The following MYL4 variants were observed in gnomAD, a reference collection of about 807,000 sequenced individuals.
MYL4 encodes the protein myosin light chain 4, also known as atrial myosin light chain 1.
Under a neutral mutation model 21.6 loss-of-function variants are expected in MYL4, and 16 were observed. The ratio of observed to expected loss-of-function variants is 0.74; its 90% CI spans 0.50 to 1.12. The LOEUF (loss-of-function observed/expected upper bound fraction) is 1.12, where lower values mean the gene tolerates loss of function less well. Ranked by LOEUF, MYL4 falls within the 50% of genes most tolerant of loss-of-function variation. The pLI, the probability that MYL4 is intolerant of heterozygous loss-of-function variation, is 0.00. For missense variants in MYL4, 249 were observed against 252.9 expected (o/e 0.98, Z 0.11); for synonymous variants, 82 against 95.7 (o/e 0.86, Z 0.83).
intron 1 of MYL4, among the ~76,000 whole-genome samples, chr17:47,201,362 C>T (rs1196153726): frequency 6.6e-6 from 1 of 152,034 alleles, no homozygotes; most frequent in Non-Finnish European, 1.5e-5. Context: ...TTCTTATATA[C>T]AGAGGATTGG....
chr17:47,189,468 A>C, the MYL4 span: 1 of 493,656 alleles, frequency 2.0e-6, no homozygotes, highest in Non-Finnish European at 3.7e-6. Flanking sequence ...GTCTGACCCA[A>C]AGCGTAGGTT....
upstream of MYL4, among the ~76,000 whole-genome samples, chr17:47,199,765 G>T (rs1288531266): frequency 7.7e-6 from 1 of 130,140 alleles, no homozygotes; most frequent in African/African-American, 3.0e-5. Context: ...TTTGAGACAG[G>T]GTCTCTGTCA....
chr17:47,225,881 TTTAAC>T (rs2064883915), downstream of MYL4, among the ~76,000 whole-genome samples: 1 of 150,562 alleles, frequency 6.6e-6, no homozygotes, highest in African/African-American at 2.5e-5. Context: ...TTTTTGGTTT[TTTAAC>T]ATTTATTTTA....
At chr17:47,207,347 C>A (rs2064733936), upstream of MYL4, among the ~76,000 whole-genome samples, 1 of 152,178 alleles carries the variant, frequency 6.6e-6, no homozygotes, top group Admixed American at 6.5e-5. Context: ...CCCAGCTCTG[C>A]CTATAAGTAG....
At chr17:47,221,580 C>A in intron 3 of MYL4, 102 bp from the exon 4 acceptor site, 1 of 1,369,040 alleles carries the variant, frequency 7.3e-7, no homozygotes, top group Non-Finnish European at 1.0e-6. Flanking sequence ...CAGCCCAAGC[C>A]CTGGGTGCTG....
chr17:47,205,627 T>G (rs2064724556), upstream of MYL4, among the ~76,000 whole-genome samples: 2 of 152,160 alleles, frequency 1.3e-5, no homozygotes, highest in Non-Finnish European at 2.9e-5. Context: ...GCCAGGCACT[T>G]TTTTCACTGG....
At chr17:47,201,393 A>G (rs1315049905) in intron 1 of MYL4, among the ~76,000 whole-genome samples, 1 of 150,540 alleles carries the variant, frequency 6.6e-6, no homozygotes, top group African/African-American at 2.4e-5. Context: ...CTCCTGATTT[A>G]TGGCCTTCTT....
At chr17:47,219,162 T>C (rs1481520706) in intron 2 of MYL4, among the ~76,000 whole-genome samples, 1 of 152,246 alleles carries the variant, frequency 6.6e-6, no homozygotes, top group Non-Finnish European at 1.5e-5. Context: ...TTGCCTTATC[T>C]GGCCTGGGGG....
chr17:47,197,446 T>C (rs1165710717), upstream of MYL4, among the ~76,000 whole-genome samples: 1 of 152,170 alleles, frequency 6.6e-6, no homozygotes, highest in African/African-American at 2.4e-5. Flanking sequence ...GTATTGAGAC[T>C]ATTCAGAAAA....
downstream of MYL4, among the ~76,000 whole-genome samples, chr17:47,225,868 T>A (rs991654641): frequency 6.8e-6 from 1 of 147,900 alleles, no homozygotes; most frequent in African/African-American, 2.5e-5. Flanking sequence ...TTTTTTTTTT[T>A]TTTTTTTGGT....
At chr17:47,205,680 C>T (rs1439295364), upstream of MYL4, among the ~76,000 whole-genome samples, 1 of 152,220 alleles carries the variant, frequency 6.6e-6, no homozygotes, top group Non-Finnish European at 1.5e-5. Context: ...GGAGCGTCTC[C>T]TCCCCTGCTG....
intron 1 of MYL4, among the ~76,000 whole-genome samples, chr17:47,201,708 G>A (rs1446404932): frequency 2.0e-5 from 3 of 151,826 alleles, no homozygotes; most frequent in African/African-American, 4.8e-5. Flanking sequence ...CGCCCGCCTC[G>A]GCCTCCCAAA....
At position 47,223,001 on chromosome 17, in the gene MYL4, A is replaced by C. The variant is rs765077930; in HGVS notation, c.566-13A>C. 2 of 1,614,094 alleles carry C rather than the reference A, an allele frequency of 1.2e-6. No homozygotes were observed. Among genetic ancestry groups the C allele is most frequent in the Non-Finnish European group, 1.7e-6 (2 of 1,179,998 alleles). On this transcript the variant is annotated splice_polypyrimidine_tract_variant and intron_variant, in intron 5 of 6. Coordinates refer to ENST00000393450, the MANE Select transcript of MYL4 (RefSeq NM_002476.2). The stretch of plus-strand genomic sequence containing the variant: ...CTGAGCCACATGGTGGCTGATTTTC[A>C]CTTTTTTCCTAGCCTTTGTCAAGCA...
chr17:47,201,134 A>T (rs956422788), intron 1 of MYL4, among the ~76,000 whole-genome samples: 3 of 152,218 alleles, frequency 2.0e-5, no homozygotes, highest in African/African-American at 7.2e-5. Flanking sequence ...GAGCCACTGC[A>T]CTCCAGCCTG....
upstream of MYL4, among the ~76,000 whole-genome samples, chr17:47,206,061 T>C (rs562394147): frequency 6.6e-6 from 1 of 152,182 alleles, no homozygotes; most frequent in Non-Finnish European, 1.5e-5. Flanking sequence ...TTGCAGTGCC[T>C]TACTTAACAT....
the MYL4 span, among the ~76,000 whole-genome samples, chr17:47,191,693 A>C: frequency 6.6e-6 from 1 of 151,942 alleles, no homozygotes; most frequent in South Asian, 2.1e-4. Context: ...CTGGTCTCAA[A>C]CTCCTGATCT....
At chr17:47,203,111 C>T (rs919235199) in intron 1 of MYL4, among the ~76,000 whole-genome samples, 1 of 152,104 alleles carries the variant, frequency 6.6e-6, no homozygotes, top group African/African-American at 2.4e-5. Context: ...CTGCCATGCC[C>T]AGCTGATTTT....
intron 1 of MYL4, 98 bp from the exon 2 acceptor site, chr17:47,213,701 A>G: frequency 8.2e-7 from 1 of 1,220,452 alleles, no homozygotes; most frequent in Non-Finnish European, 1.2e-6. Context: ...AGGTGGCCAT[A>G]CTGCATTGGA....
Position 47,214,140 on chromosome 17 carries a change from G to A in MYL4, c.163+314G>A, listed in dbSNP as rs868064035. On this transcript the variant is annotated intron_variant, in intron 2 of 6. Coordinates refer to ENST00000393450, the MANE Select transcript of MYL4 (RefSeq NM_002476.2). ...ACATGGCAGTCAGCAGTAGAGCTAAGATTCAAACTCAGGCAATCTGATTCC... is the reference window on the plus strand; with the variant it reads ...ACATGGCAGTCAGCAGTAGAGCTAAAATTCAAACTCAGGCAATCTGATTCC... 3.3e-5 allele frequency among the ~76,000 whole-genome samples: 5 copies of A among 152,322 alleles called. No homozygotes were observed. The South Asian group carries it at 1.0e-3, about 32-fold the overall frequency.
Sources: allele counts gnomAD v4.1 joint callset (sites outside exome capture counted in the v4.1 genomes callset), GRCh38; gene constraint gnomAD v4.1.1; transcripts MANE v1.5; gene names NCBI Gene and HGNC (gene_info 2026-07-23, HGNC 2026-07-21).